ZNRF1: variants seen among roughly 807,000 people sequenced by gnomAD.
The protein encoded by ZNRF1 is zinc and ring finger 1.
A neutral mutation model predicts 18.4 loss-of-function variants in ZNRF1; 3 were observed. The ratio of observed to expected loss-of-function variants is 0.16; its 90% CI spans 0.07 to 0.42. The LOEUF (loss-of-function observed/expected upper bound fraction) is 0.42. Ranked by LOEUF, ZNRF1 falls within the 10% of genes least tolerant of loss-of-function variation. The probability of loss-of-function intolerance (pLI) is 0.99; values close to 1 mark genes in which losing one functional copy is unlikely to be tolerated. For missense variants in ZNRF1, 310 were observed against 329.8 expected (o/e 0.94, Z 0.47); for synonymous variants, 157 against 144.2 (o/e 1.09, Z -0.64).
At chr16:75,089,428 A>C (rs1398900896) in intron 1 of ZNRF1, among the ~76,000 whole-genome samples, 1 of 152,180 alleles carries the variant, frequency 6.6e-6, no homozygotes, top group Non-Finnish European at 1.5e-5. Flanking sequence ...TTCTTGAGCT[A>C]TGCCAAAATA....
chr16:75,007,972 C>T (rs1597853842), intron 1 of ZNRF1, among the ~76,000 whole-genome samples: 1 of 152,188 alleles, frequency 6.6e-6, no homozygotes, highest in Admixed American at 6.5e-5. Flanking sequence ...TCAAGCAATT[C>T]TCAAGCCTTA....
At chr16:75,009,278 T>A (rs1487390657) in intron 1 of ZNRF1, among the ~76,000 whole-genome samples, 3 of 152,216 alleles carry the variant, frequency 2.0e-5, no homozygotes, top group Non-Finnish European at 4.4e-5. Flanking sequence ...TTTGTTTTTT[T>A]AACTGTCATA....
chr16:75,105,179 C>T, intron 3 of ZNRF1: 2 of 342,666 alleles, frequency 5.8e-6, no homozygotes, highest in Non-Finnish European at 1.1e-5. Context: ...GGAGGAGCTT[C>T]GGATCCCACT....
rs77958178 is a variant in ZNRF1 at position 75,098,765 on chromosome 16, G to A, written c.520+5098G>A. On this transcript the variant is annotated intron_variant, in intron 2 of 4. Transcript: ENST00000335325. ...CCTTCATGGCCACCAGGCACAAGTG[G>A]AGATGGAGAGGCATGTTCCTGTGCT... Among the ~76,000 whole-genome samples, 1,053 of 152,296 alleles carry A rather than the reference G, an allele frequency of 6.9e-3. 45 individuals are homozygous for A. The East Asian group carries it at 0.13, about 19-fold the overall frequency.
intron 1 of ZNRF1, among the ~76,000 whole-genome samples, chr16:75,005,334 T>G (rs1311375244): frequency 6.6e-6 from 1 of 152,230 alleles, no homozygotes; most frequent in Non-Finnish European, 1.5e-5. Context: ...GTTTGAATGG[T>G]GTTGTAAGAA....
At chr16:75,038,629 A>G (rs1419018165) in intron 1 of ZNRF1, among the ~76,000 whole-genome samples, 1 of 152,192 alleles carries the variant, frequency 6.6e-6, no homozygotes, top group Non-Finnish European at 1.5e-5. Context: ...TTACCACAGA[A>G]CACTTTCCTT....
chr16:75,060,335 G>A (rs1342465679), intron 1 of ZNRF1, among the ~76,000 whole-genome samples: 2 of 152,098 alleles, frequency 1.3e-5, no homozygotes, highest in East Asian at 1.9e-4. Context: ...ACAGGCATGA[G>A]CCATTGCACC....
chr16:75,052,740 C>G (rs1311203125), intron 1 of ZNRF1, among the ~76,000 whole-genome samples: 1 of 152,202 alleles, frequency 6.6e-6, no homozygotes, highest in Non-Finnish European at 1.5e-5. Flanking sequence ...CTCAACCGTG[C>G]AGCCAACATT....
At chr16:75,070,284 C>T (rs1314968448) in intron 1 of ZNRF1, among the ~76,000 whole-genome samples, 1 of 152,194 alleles carries the variant, frequency 6.6e-6, no homozygotes, top group Non-Finnish European at 1.5e-5. Flanking sequence ...CCATTCACAC[C>T]ACCGATAGCC....
chr16:75,064,388 T>C (rs1251303992), intron 1 of ZNRF1, among the ~76,000 whole-genome samples: 1 of 151,828 alleles, frequency 6.6e-6, no homozygotes, highest in Non-Finnish European at 1.5e-5. Flanking sequence ...AAACACTATC[T>C]CTACTAAAAA....
intron 1 of ZNRF1, among the ~76,000 whole-genome samples, chr16:75,073,473 C>T (rs1307092787): frequency 1.3e-5 from 2 of 152,052 alleles, no homozygotes; most frequent in Admixed American, 1.3e-4. Context: ...ATTCCCCACC[C>T]CGCCGTAGCC....
chr16:75,072,035 C>T (rs2035877098), intron 1 of ZNRF1, among the ~76,000 whole-genome samples: 2 of 152,104 alleles, frequency 1.3e-5, no homozygotes, highest in South Asian at 4.1e-4. Flanking sequence ...ACCTCCTGAG[C>T]TCAATCAGTC....
intron 1 of ZNRF1, among the ~76,000 whole-genome samples, chr16:75,083,985 C>A (rs948051929): frequency 1.3e-5 from 2 of 152,160 alleles, no homozygotes; most frequent in African/African-American, 4.8e-5. Flanking sequence ...TGATTTCTTC[C>A]CCATGCTGCT....
chr16:75,042,435 G>A (rs912155118), intron 1 of ZNRF1, among the ~76,000 whole-genome samples: 1 of 116,114 alleles, frequency 8.6e-6, no homozygotes, highest in Non-Finnish European at 1.7e-5. Flanking sequence ...GGGAGTGTCT[G>A]TTTCTTTCTT....
rs1324776748 is a variant in ZNRF1, at chr16:75,109,829, A to G, written c.*2129A>G. 2 of 152,306 alleles carry G rather than the reference A, an allele frequency of 1.3e-5. No individual in the cohort carries two copies. The highest frequency in any genetic ancestry group is 6.5e-5 in the Admixed American group (1 of 15,294). 9.4% of individuals were successfully genotyped at this position (152,306 alleles called of 1,614,324 possible). ...GGCACATGCACAGCAGGCTCCCCAT[A>G]GCTTTGTCACCACAAAGGGCACTGT... On this transcript the variant is annotated 3_prime_UTR_variant, in exon 5 of 5. Transcript: ENST00000335325.
At chr16:75,025,663 T>G (rs1247426172) in intron 1 of ZNRF1, among the ~76,000 whole-genome samples, 1 of 152,164 alleles carries the variant, frequency 6.6e-6, no homozygotes, top group Non-Finnish European at 1.5e-5. Context: ...CAGAGGACAT[T>G]TCGTAAGAGG....
chr16:75,024,638 G>A (rs190435854), intron 1 of ZNRF1, among the ~76,000 whole-genome samples: 1 of 152,374 alleles, frequency 6.6e-6, no homozygotes, highest in African/African-American at 2.4e-5. Context: ...AGCATTTGCA[G>A]AAGGAAGAGG....
At chr16:75,098,264 C>G (rs2036221682) in intron 2 of ZNRF1, among the ~76,000 whole-genome samples, 3 of 152,186 alleles carry the variant, frequency 2.0e-5, no homozygotes, top group Non-Finnish European at 4.4e-5. Flanking sequence ...AAGGCCCTAA[C>G]ACAAGTGGGG....
chr16:75,042,430 T>G (rs372947215), intron 1 of ZNRF1, among the ~76,000 whole-genome samples: 1 of 144,220 alleles, frequency 6.9e-6, no homozygotes, highest in East Asian at 2.1e-4. Context: ...AGGGAGGGAG[T>G]GTCTGTTTCT....
Sources: gnomAD v4.1 joint callset for allele counts (sites outside exome capture counted in the v4.1 genomes callset) on GRCh38, gnomAD v4.1.1 for gene constraint, MANE v1.5 for transcripts, NCBI Gene and HGNC (gene_info 2026-07-23, HGNC 2026-07-21) for gene names.